Variants in INCENP observed in about 807,000 individuals in gnomAD.
INCENP encodes binds and activates aurora-B and -C in vivo and in vitro.
Under a neutral mutation model 107.3 loss-of-function variants are expected in INCENP, and 43 were observed. The observed-to-expected ratio is 0.40, with a 90% CI of 0.31 to 0.52. The LOEUF (loss-of-function observed/expected upper bound fraction) is 0.52. INCENP is among the 20% of genes least tolerant of loss of function. INCENP has a pLI of 0.53. For missense variants in INCENP, 1,089 were observed against 1,250.9 expected, an observed-to-expected ratio of 0.87 and a Z score of 1.95; for synonymous variants, 488 against 494.4, an observed-to-expected ratio of 0.99 and a Z score of 0.17.
rs1943861433 is a variant in INCENP, at chr11:62,130,332, T to C, written c.805T>C (p.Ser269Pro). ...GCAGGTCTCCCCTGGCCCACGGGAC[T>C]CGCCAGCCTTTCCAGATTCTCCATG... ...IAQVSPGPRD[S>P]PAFPDSPWRE... Residue 269 changes from serine to proline, a missense_variant, in exon 4 of 19, where the codon TCG (serine) becomes CCG (proline). Transcript: ENST00000394818. The C allele has an allele frequency of 6.2e-7, 1 of 1,611,684 alleles. No homozygotes were observed. The highest frequency in any genetic ancestry group is 1.3e-5 in the African/African-American group (1 of 75,050).
chr11:62,134,773 C>T (rs750088418), intron 4 of INCENP, among the ~76,000 whole-genome samples: 6 of 152,134 alleles, frequency 3.9e-5, no homozygotes, highest in East Asian at 1.9e-4. Flanking sequence ...AAGAACTGGA[C>T]GGGCGAGGTG....
chr11:62,126,128 G>A (rs896978051), intron 1 of INCENP, among the ~76,000 whole-genome samples: 1 of 152,136 alleles, frequency 6.6e-6, no homozygotes, highest in African/African-American at 2.4e-5. Context: ...CCCTGTGAGG[G>A]ATCAAGGGGT....
At position 62,148,824 on chromosome 11, in the gene INCENP, T is replaced by C; in HGVS notation, c.2369T>C (p.Leu790Pro). 1.2e-6 allele frequency: 2 copies of C among 1,606,484 alleles called. No individual in the cohort carries two copies. Among genetic ancestry groups the C allele is most frequent in the Non-Finnish European group, 1.7e-6 (2 of 1,176,796 alleles). The change falls in exon 17 of 19, where the codon CTG becomes CCG. Residue 790 changes from leucine to proline, a missense_variant. By Grantham distance (98) the Leu-to-Pro change is moderately conservative. Coordinates refer to ENST00000394818, the MANE Select transcript of INCENP (RefSeq NM_001040694.2). ...AKEAAGASKA[L>P]NVTVDVQSPA... is the part of the protein sequence containing the mutation. Reference sequence around the variant, plus strand: ...GAGGCAGCAGGGGCCAGCAAGGCCCTGAATGTGACTGTGGACGTGCAGGTG... The same window carrying C: ...GAGGCAGCAGGGGCCAGCAAGGCCCCGAATGTGACTGTGGACGTGCAGGTG...
intron 1 of INCENP, among the ~76,000 whole-genome samples, chr11:62,125,319 G>GA: frequency 6.6e-6 from 1 of 152,364 alleles, no homozygotes; most frequent in Middle Eastern, 3.4e-3. Flanking sequence ...CTTTGTGAAA[G>GA]AAGCTCTCAT....
chr11:62,141,370 G>A (rs780698980), intron 10 of INCENP, 130 bp from the exon 11 acceptor site: 33 of 1,179,062 alleles, frequency 2.8e-5, no homozygotes, highest in African/African-American at 4.5e-5. Context: ...CAGGAGAGGC[G>A]GTGGGGGTGC....
intron 11 of INCENP, among the ~76,000 whole-genome samples, chr11:62,143,864 G>A (rs1944177414): frequency 6.6e-6 from 1 of 152,208 alleles, no homozygotes; most frequent in African/African-American, 2.4e-5. Flanking sequence ...GACTGTTCAA[G>A]GGGAAAGCAC....
At chr11:62,129,132 C>A (rs980510412) in intron 3 of INCENP, among the ~76,000 whole-genome samples, 1 of 152,062 alleles carries the variant, frequency 6.6e-6, no homozygotes, top group Non-Finnish European at 1.5e-5. Context: ...TTGATCTGGG[C>A]CCTGGAGAAT....
intron 15 of INCENP, among the ~76,000 whole-genome samples, chr11:62,148,119 G>A (rs1465325934): frequency 1.3e-5 from 2 of 152,246 alleles, no homozygotes; most frequent in East Asian, 3.9e-4. Context: ...TGCCCTGAAG[G>A]TTAGGATAAA....
chr11:62,145,016 G>T lies in INCENP; in HGVS notation c.1640G>T (p.Arg547Leu), dbSNP rs771853715. Residue 547 changes from arginine (R) to leucine (L), a missense_variant, in exon 12 of 19, where the codon CGG becomes CTG. Arg to Leu is a moderately radical substitution (Grantham distance 102). Coordinates refer to ENST00000394818, the MANE Select transcript of INCENP (RefSeq NM_001040694.2). ...KERQRLENLRRKEEAEQLRRQ... is the reference protein window; with the variant it reads ...KERQRLENLRLKEEAEQLRRQ... The stretch of plus-strand genomic sequence containing the variant: ...CGGCAGCGCCTGGAGAATCTGCGGC[G>T]GAAGGAGGAGGCCGAGCAGCTGCGC... 1.2e-6 allele frequency: 2 copies of T among 1,606,330 alleles called. No homozygotes were observed. The highest frequency in any genetic ancestry group is 1.7e-5 in the Admixed American group (1 of 57,228).
chr11:62,152,782 T>C lies in INCENP; in HGVS notation c.*806T>C, dbSNP rs1287894816. On this transcript the variant is annotated 3_prime_UTR_variant, in exon 19 of 19. Coordinates refer to ENST00000394818, the MANE Select transcript of INCENP (RefSeq NM_001040694.2). The stretch of plus-strand genomic sequence containing the variant: ...TCCCTTGAGACCACCTTGGGACCAG[T>C]GCTTGCAAGCAGCGAGATATTTCCC... The C allele has an allele frequency of 6.6e-6, 1 of 152,236 alleles. No homozygotes were observed. Among genetic ancestry groups the C allele is most frequent in the African/African-American group, 2.4e-5 (1 of 41,462 alleles). The allele number at this position is 152,236 out of a possible 1,614,324, so 9.4% of individuals were successfully genotyped here. A position where few individuals can be genotyped will look rare whatever the true frequency, so the allele number is the denominator to read the frequency against.
chr11:62,126,148 A>G (rs1943742945), intron 1 of INCENP, among the ~76,000 whole-genome samples: 2 of 151,806 alleles, frequency 1.3e-5, no homozygotes, highest in Admixed American at 1.3e-4. Flanking sequence ...TCAGCAATTT[A>G]TCCCTTCCTT....
chr11:62,125,885 C>A (rs1320630348), intron 1 of INCENP, among the ~76,000 whole-genome samples: 1 of 152,214 alleles, frequency 6.6e-6, no homozygotes, highest in Non-Finnish European at 1.5e-5. Context: ...AACAAGCACG[C>A]AAGTGCTCTG....
intron 11 of INCENP, 32 bp from the exon 12 acceptor site, chr11:62,144,950 T>C: frequency 3.2e-6 from 5 of 1,569,318 alleles, no homozygotes; most frequent in Non-Finnish European, 4.3e-6. Flanking sequence ...TCCTTGCTCA[T>C]GTCCCATCTC....
rs12281503 is a variant in INCENP, at chr11:62,129,826, G to A, written c.299G>A (p.Arg100His). 5.5e-3 allele frequency: 8,927 copies of A among 1,611,210 alleles called. 478 individuals are homozygous for A. In the African/African-American group the frequency reaches 0.11, roughly 19 times the overall value. The change falls in exon 4 of 19, where the codon CGC becomes CAC. Residue 100 changes from arginine to histidine, a missense_variant. Transcript: ENST00000394818. ...CGGAGCAGCCAGCTGAGCTCCCGACGCCTCCGCAGCAAGGACAGTGTAGAG... is the reference window on the plus strand; with the variant it reads ...CGGAGCAGCCAGCTGAGCTCCCGACACCTCCGCAGCAAGGACAGTGTAGAG... Reference protein sequence around the residue: ...KSRSSQLSSRRLRSKDSVEKL... With the variant: ...KSRSSQLSSRHLRSKDSVEKL...
At chr11:62,137,563 A>G (rs1944018376) in intron 4 of INCENP, among the ~76,000 whole-genome samples, 1 of 152,126 alleles carries the variant, frequency 6.6e-6, no homozygotes, top group Non-Finnish European at 1.5e-5. Context: ...TCTTCTCGAG[A>G]TATTCCCAGC....
chr11:62,142,687 T>C (rs143922056), intron 11 of INCENP, among the ~76,000 whole-genome samples: 4 of 84,616 alleles, frequency 4.7e-5, no homozygotes, highest in African/African-American at 1.1e-4. Flanking sequence ...GGTTCCCATC[T>C]GCCTTCTGTG....
At position 62,139,131 on chromosome 11, in the gene INCENP, A is replaced by G. The variant is rs1373941666; in HGVS notation, c.1291+126A>G. 8 of 687,266 alleles carry G rather than the reference A, an allele frequency of 1.2e-5. No homozygotes were observed. In the East Asian group the frequency reaches 2.1e-4, roughly 18 times the overall value. 42.6% of individuals were successfully genotyped at this position (687,266 alleles called of 1,614,324 possible). A position where few individuals can be genotyped will look rare whatever the true frequency, so the allele number is the denominator to read the frequency against. Reference sequence around the variant, plus strand: ...TGGGCCAGTAGGCTAAAGAGAAATTAAACCTGGGGGTGCAGAGATCCCTTT... The same window carrying G: ...TGGGCCAGTAGGCTAAAGAGAAATTGAACCTGGGGGTGCAGAGATCCCTTT... On this transcript the variant is annotated intron_variant, in intron 7 of 18. Transcript: ENST00000394818.
At chr11:62,148,891 C>T in intron 17 of INCENP, 45 bp downstream of exon 17, 2 of 1,278,542 alleles carry the variant, frequency 1.6e-6, no homozygotes, top group South Asian at 2.7e-5. Flanking sequence ...TGGAGGGGCC[C>T]ACTCTATTCT....
rs767372142 is a variant in INCENP at position 62,150,173 on chromosome 11, C to G, written c.2508C>G (p.Ala836=). The G allele has an allele frequency of 2.0e-5, 32 of 1,613,924 alleles. No homozygotes were observed. The highest frequency in any genetic ancestry group is 2.6e-5 in the Non-Finnish European group (31 of 1,180,022). The part of the protein sequence containing the change: ...LNSDDSTDDE[A]HPRKPIPTWA... Reference sequence around the variant, plus strand: ...GCGACGACTCCACCGATGATGAGGCCCATCCCCGGAAGCCCATCCCCACCT... The same window carrying G: ...GCGACGACTCCACCGATGATGAGGCGCATCCCCGGAAGCCCATCCCCACCT... The change falls in exon 18 of 19, where the codon GCC becomes GCG. Residue 836 remains alanine (A), a synonymous_variant. Transcript: ENST00000394818.
Sources: allele counts gnomAD v4.1 joint callset (sites outside exome capture counted in the v4.1 genomes callset), GRCh38; gene constraint gnomAD v4.1.1; transcripts MANE v1.5; gene names NCBI Gene and HGNC (gene_info 2026-07-23, HGNC 2026-07-21).